Variants in EPHA5 observed in about 807,000 individuals in gnomAD.
The protein encoded by EPHA5 is EPH receptor A5.
Under a neutral mutation model 105.0 loss-of-function variants are expected in EPHA5, and 60 were observed. That is an observed-to-expected ratio of 0.57 (90% CI 0.46 to 0.71). EPHA5 has a LOEUF of 0.71. Among genes scored for constraint, EPHA5 ranks in the 30% least tolerant of loss-of-function variants. EPHA5 has a pLI of 0.00. For missense variants in EPHA5, 1,218 were observed against 1,274.7 expected (o/e 0.96, Z 0.68); for synonymous variants, 513 against 449.1 (o/e 1.14, Z -1.80).
intron 5 of EPHA5, among the ~76,000 whole-genome samples, chr4:65,434,944 A>C (rs1429507746): frequency 1.3e-5 from 2 of 152,182 alleles, no homozygotes; most frequent in East Asian, 3.9e-4. Flanking sequence ...TGTCTTGTTT[A>C]AGATATAGTG....
intron 2 of EPHA5, 22 bp from the exon 3 acceptor site, chr4:65,602,326 G>T: frequency 7.5e-7 from 1 of 1,332,314 alleles, no homozygotes; most frequent in Non-Finnish European, 9.6e-7. Context: ...AAAATAGAAA[G>T]ATAAAAAAAA....
At chr4:65,667,865 A>C (rs371681870) in intron 1 of EPHA5, among the ~76,000 whole-genome samples, 2 of 152,184 alleles carry the variant, frequency 1.3e-5, no homozygotes, top group Non-Finnish European at 2.9e-5. Context: ...AAACCTCTTC[A>C]AATTCAAACG....
At chr4:65,631,787 G>T (rs924690152) in intron 2 of EPHA5, among the ~76,000 whole-genome samples, 2 of 151,602 alleles carry the variant, frequency 1.3e-5, no homozygotes, top group Non-Finnish European at 2.9e-5. Flanking sequence ...TATGGATAAA[G>T]GTCATTTTCC....
chr4:65,342,844 T>G (rs1338818366), intron 14 of EPHA5, among the ~76,000 whole-genome samples: 1 of 151,892 alleles, frequency 6.6e-6, no homozygotes, highest in Non-Finnish European at 1.5e-5. Flanking sequence ...GCACACCCAG[T>G]ACAAAGCTAG....
Position 65,353,086 on chromosome 4 carries a change from C to A in EPHA5, c.2191G>T (p.Val731Leu). The stretch of plus-strand genomic sequence containing the variant: ...GAGCCATTCTCCATATACTCTGTCA[C>A]GATCATCACTGGTTTACCTGAAAAG... The part of the protein sequence containing the change: ...VVTKSKPVMI[V>L]TEYMENGSLD... The change falls in exon 12 of 17, where the codon GTG becomes TTG. Residue 731 changes from valine (V) to leucine (L), a missense_variant. By Grantham distance (32) the Val-to-Leu change is conservative (BLOSUM62 1). Transcript: ENST00000613740. 6.4e-7 allele frequency: 1 copy of A among 1,559,378 alleles called. No individual in the cohort carries two copies. Among genetic ancestry groups the A allele is most frequent in the Non-Finnish European group, 8.7e-7 (1 of 1,154,850 alleles).
chr4:65,581,158 C>G (rs925829507), intron 3 of EPHA5, among the ~76,000 whole-genome samples: 1 of 151,686 alleles, frequency 6.6e-6, no homozygotes, highest in Non-Finnish European at 1.5e-5. Flanking sequence ...TTTGGTGACT[C>G]GGGTCCTTTT....
At chr4:65,343,674 G>A (rs1376897277) in intron 14 of EPHA5, among the ~76,000 whole-genome samples, 2 of 152,082 alleles carry the variant, frequency 1.3e-5, no homozygotes, top group Admixed American at 6.5e-5. Context: ...TTAAGGCATA[G>A]GAAATTTAAT....
intron 14 of EPHA5, among the ~76,000 whole-genome samples, chr4:65,337,233 T>G (rs1316473545): frequency 2.6e-5 from 4 of 152,056 alleles, no homozygotes; most frequent in Non-Finnish European, 5.9e-5. Flanking sequence ...ATATTCAAAG[T>G]CCTCTCTACT....
At chr4:65,579,376 A>ATG (rs1491392787) in intron 3 of EPHA5, among the ~76,000 whole-genome samples, 1 of 145,968 alleles carries the variant, frequency 6.9e-6, no homozygotes, top group Non-Finnish European at 1.5e-5. Context: ...ATATATATAT[A>ATG]AATATATATA....
intron 5 of EPHA5, among the ~76,000 whole-genome samples, chr4:65,484,712 A>G (rs769510851): frequency 6.6e-6 from 1 of 152,216 alleles, no homozygotes; most frequent in African/African-American, 2.4e-5. Flanking sequence ...ACATGTATAT[A>G]TATTAAAAGA....
intron 7 of EPHA5, among the ~76,000 whole-genome samples, chr4:65,405,041 C>G (rs1722225012): frequency 6.6e-6 from 1 of 151,984 alleles, no homozygotes; most frequent in South Asian, 2.1e-4. Context: ...CAATATATTT[C>G]ATAAATAAAT....
intron 3 of EPHA5, among the ~76,000 whole-genome samples, chr4:65,579,572 A>T (rs769686380): frequency 1.4e-4 from 22 of 151,820 alleles, no homozygotes; most frequent in Middle Eastern, 6.8e-3. Context: ...TAAAATTATG[A>T]GAATAATTAC....
chr4:65,565,951 T>G (rs1739490248), intron 3 of EPHA5, among the ~76,000 whole-genome samples: 1 of 151,710 alleles, frequency 6.6e-6, no homozygotes, highest in South Asian at 2.1e-4. Context: ...TTCTTCAAAT[T>G]TGGTATGTTA....
intron 3 of EPHA5, among the ~76,000 whole-genome samples, chr4:65,585,838 T>C (rs1742069722): frequency 6.6e-6 from 1 of 151,840 alleles, no homozygotes; most frequent in South Asian, 2.1e-4. Flanking sequence ...TCTACAGCAG[T>C]ATGGACATAT....
At chr4:65,365,753 G>T (rs533605412) in intron 10 of EPHA5, among the ~76,000 whole-genome samples, 179 bp downstream of exon 10, 27 of 140,984 alleles carry the variant, frequency 1.9e-4, no homozygotes, top group Non-Finnish European at 3.6e-4. Context: ...CCAGATATTT[G>T]CTGGTTTAAG....
chr4:65,643,196 CT>C (rs1279434795), intron 2 of EPHA5, among the ~76,000 whole-genome samples, 166 bp downstream of exon 2: 1 of 151,850 alleles, frequency 6.6e-6, no homozygotes, highest in African/African-American at 2.4e-5. Flanking sequence ...CCTAGTGTTC[CT>C]TTTTTTGATT....
At chr4:65,667,856 A>G (rs1379316429) in intron 1 of EPHA5, among the ~76,000 whole-genome samples, 1 of 152,154 alleles carries the variant, frequency 6.6e-6, no homozygotes, top group African/African-American at 2.4e-5. Flanking sequence ...ATTACTGTTA[A>G]ACCTCTTCAA....
intron 1 of EPHA5, among the ~76,000 whole-genome samples, chr4:65,647,212 C>T (rs993130299): frequency 1.1e-4 from 17 of 151,104 alleles, no homozygotes; most frequent in South Asian, 4.2e-4. Context: ...GCCTGTTGTC[C>T]CAGCTACTCA....
chr4:65,669,320 A>C (rs926051857), intron 1 of EPHA5: 2 of 899,756 alleles, frequency 2.2e-6, no homozygotes, highest in African/African-American at 1.8e-5. Flanking sequence ...CCAGCCCCCC[A>C]ACCAGCCTCT....
Sources: gnomAD v4.1 joint callset for allele counts (sites outside exome capture counted in the v4.1 genomes callset) on GRCh38, gnomAD v4.1.1 for gene constraint, MANE v1.5 for transcripts, NCBI Gene and HGNC (gene_info 2026-07-23, HGNC 2026-07-21) for gene names.